The following NAV2 variants were observed in gnomAD, a reference collection of about 807,000 sequenced individuals.
NAV2 encodes the protein neuron navigator 2.
NAV2 carries 54 observed loss-of-function variants against 223.2 expected under a neutral mutation model. The observed-to-expected ratio is 0.24, with a 90% confidence interval of 0.19 to 0.30. The LOEUF is 0.30. Ranked by LOEUF, NAV2 falls within the 10% of genes least tolerant of loss-of-function variation. The pLI, the probability that NAV2 is intolerant of heterozygous loss-of-function variation, is 1.00. For synonymous variants in NAV2, 1,279 were observed against 1,239.3 expected, an observed-to-expected ratio of 1.03 and a Z score of -0.67; for missense variants, 2,806 against 3,147.5, an observed-to-expected ratio of 0.89 and a Z score of 2.60.
At chr11:20,096,402 A>G (rs1032655333) in intron 30 of NAV2, among the ~76,000 whole-genome samples, 2 of 152,174 alleles carry the variant, frequency 1.3e-5, no homozygotes, top group African/African-American at 4.8e-5. Context: ...CATTTTTTCT[A>G]TTGTCCTGAA....
intron 6 of NAV2, among the ~76,000 whole-genome samples, chr11:19,920,382 G>A (rs887817348): frequency 1.3e-5 from 2 of 152,198 alleles, no homozygotes; most frequent in African/African-American, 4.8e-5. Flanking sequence ...CTGCCTCCCA[G>A]GTTCAAGCGA....
At chr11:19,512,595 G>C (rs1318672322) in intron 1 of NAV2, among the ~76,000 whole-genome samples, 1 of 152,216 alleles carries the variant, frequency 6.6e-6, no homozygotes, top group African/African-American at 2.4e-5. Flanking sequence ...TAGAGTGAAA[G>C]CTCAATTAAC....
intron 5 of NAV2, among the ~76,000 whole-genome samples, chr11:19,883,785 C>G (rs1490284186): frequency 6.6e-6 from 1 of 152,180 alleles, no homozygotes; most frequent in Admixed American, 6.5e-5. Context: ...GTTTAACAAG[C>G]ATTAAATGGT....
chr11:19,421,590 A>G (rs1564923754), intron 1 of NAV2, among the ~76,000 whole-genome samples: 1 of 152,330 alleles, frequency 6.6e-6, no homozygotes, highest in Non-Finnish European at 1.5e-5. Flanking sequence ...GTTGATTTAA[A>G]TTTGATCTAA....
At chr11:19,729,771 C>T (rs1453732050) in intron 1 of NAV2, among the ~76,000 whole-genome samples, 1 of 152,118 alleles carries the variant, frequency 6.6e-6, no homozygotes, top group Non-Finnish European at 1.5e-5. Context: ...TGCAGGGGAC[C>T]CATGTTCCAT....
chr11:19,528,977 A>C (rs2043939040), intron 1 of NAV2, among the ~76,000 whole-genome samples: 1 of 152,028 alleles, frequency 6.6e-6, no homozygotes, highest in South Asian at 2.1e-4. Flanking sequence ...TTTTGCCAAG[A>C]AAAAACATTA....
upstream of NAV2, among the ~76,000 whole-genome samples, chr11:19,710,174 A>T (rs1379715715): frequency 6.6e-6 from 1 of 152,226 alleles, no homozygotes. Context: ...CATAGCAGAC[A>T]TTATCAAGTG....
rs556921774 is a variant in NAV2 at position 20,069,439 on chromosome 11, G to GAC, written c.4983+1044_4983+1045dup. Among the ~76,000 whole-genome samples the GAC allele has an allele frequency of 2.8e-3, 426 of 152,242 alleles. 1 individual carries two copies. Among genetic ancestry groups the GAC allele is most frequent in the African/African-American group, 1.0e-2 (415 of 41,540 alleles). ...TCCGGGCTTCCTCCTGAAGTTAGCA[G>GAC]ACACCTCTCAGTGCGTTTTAAGTAA... On this transcript the variant is annotated intron_variant, in intron 22 of 37. Coordinates refer to ENST00000349880, the MANE Select transcript of NAV2 (RefSeq NM_145117.5).
At chr11:20,042,265 G>A (rs2056993991) in intron 12 of NAV2, among the ~76,000 whole-genome samples, 1 of 152,246 alleles carries the variant, frequency 6.6e-6, no homozygotes, top group Admixed American at 6.5e-5. Flanking sequence ...ATTAAATAGA[G>A]GCTGAGATCG....
chr11:19,452,582 G>A (rs1245292525), intron 1 of NAV2, among the ~76,000 whole-genome samples: 2 of 152,170 alleles, frequency 1.3e-5, no homozygotes, highest in South Asian at 2.1e-4. Context: ...AACATCCTAA[G>A]TCAAAAATAT....
chr11:19,988,538 A>AT (rs35273335), intron 11 of NAV2, among the ~76,000 whole-genome samples: 104,396 of 150,454 alleles, frequency 0.69, 37,097 homozygotes, highest in Middle Eastern at 0.82. Flanking sequence ...GAAAGGAGAG[A>AT]TTTTTCTTTT....
chr11:19,437,014 G>A (rs896679791), intron 1 of NAV2, among the ~76,000 whole-genome samples: 20 of 152,092 alleles, frequency 1.3e-4, no homozygotes, highest in African/African-American at 4.6e-4. Flanking sequence ...ATAAGATCAT[G>A]TAGTCAGCAG....
At chr11:20,059,162 G>C (rs1591906563) in intron 19 of NAV2, among the ~76,000 whole-genome samples, 2 of 152,112 alleles carry the variant, frequency 1.3e-5, no homozygotes, top group East Asian at 3.9e-4. Context: ...TGCTGGTGGA[G>C]AGGCAGGGCA....
chr11:19,955,780 G>A lies in NAV2; in HGVS notation c.2645+6700G>A, dbSNP rs149124542. Among the ~76,000 whole-genome samples, 537 of 152,268 alleles carry A rather than the reference G, an allele frequency of 3.5e-3. 1 individual carries two copies. The highest frequency in any genetic ancestry group is 0.012 in the African/African-American group (507 of 41,542). On this transcript the variant is annotated intron_variant, in intron 10 of 37. Coordinates refer to ENST00000349880, the MANE Select transcript of NAV2 (RefSeq NM_145117.5). ...TAGCATGAAAGGCTCTTTCTTATCT[G>A]GTGAATATGTCCAGACCAGACCTGG... is the stretch of plus-strand genomic sequence containing the variant.
rs2061074557 is a variant in NAV2, at chr11:19,850,817, G to A, written c.438+7894G>A. The stretch of plus-strand genomic sequence containing the variant: ...AAATGATGATAAGGTACTGTTCTAA[G>A]TGCCTTCCATGTTTTAACTCATTTT... On this transcript the variant is annotated intron_variant, in intron 3 of 37. Transcript: ENST00000349880. 2.0e-5 allele frequency among the ~76,000 whole-genome samples: 3 copies of A among 152,252 alleles called. No homozygotes were observed. The South Asian group carries it at 6.2e-4, about 32-fold the overall frequency.
chr11:19,731,849 A>G (rs2051804459), intron 1 of NAV2, among the ~76,000 whole-genome samples: 2 of 152,220 alleles, frequency 1.3e-5, no homozygotes, highest in African/African-American at 2.4e-5. Flanking sequence ...TCCTAGATCA[A>G]ACAAATGTGT....
At chr11:19,519,941 T>G (rs1194147432) in intron 1 of NAV2, 1 of 152,212 alleles carries the variant, frequency 6.6e-6, no homozygotes, top group Non-Finnish European at 1.5e-5. Flanking sequence ...ACCTGCTAAT[T>G]AGGGGTTGTG....
At chr11:19,830,383 A>T (rs1325420002) in intron 1 of NAV2, among the ~76,000 whole-genome samples, 1 of 152,202 alleles carries the variant, frequency 6.6e-6, no homozygotes, top group Non-Finnish European at 1.5e-5. Context: ...TGTCAAAGGG[A>T]TTGTAAAATA....
chr11:19,513,001 G>GT (rs149049746), intron 1 of NAV2, among the ~76,000 whole-genome samples: 2,548 of 152,270 alleles, frequency 0.017, 73 homozygotes, highest in African/African-American at 0.059. Flanking sequence ...AGGACGATAC[G>GT]TAACTCTACC....
Sources: allele counts gnomAD v4.1 joint callset (sites outside exome capture counted in the v4.1 genomes callset), GRCh38; gene constraint gnomAD v4.1.1; transcripts MANE v1.5; gene names NCBI Gene and HGNC (gene_info 2026-07-23, HGNC 2026-07-21).